CLOCK: variants seen among roughly 807,000 people sequenced by gnomAD.
The protein encoded by CLOCK is circadian locomoter output cycles protein kaput.
CLOCK carries 43 observed loss-of-function variants against 118.4 expected under a neutral mutation model. The observed-to-expected ratio is 0.36, with a 90% CI of 0.28 to 0.47. The LOEUF is 0.47. Ranked by LOEUF, CLOCK falls within the 20% of genes least tolerant of loss-of-function variation. CLOCK has a pLI of 1.00. For missense variants in CLOCK, 846 were observed against 999.9 expected, an observed-to-expected ratio of 0.85 and a Z score of 2.08; for synonymous variants, 326 against 339.2, an observed-to-expected ratio of 0.96 and a Z score of 0.43.
chr4:55,482,828 C>A lies in CLOCK; in HGVS notation c.-43G>T, dbSNP rs1186078321. On this transcript the variant is annotated splice_region_variant and 5_prime_UTR_variant, in exon 4 of 23. Transcript: ENST00000513440. Reference sequence around the variant, plus strand: ...TCTTGTAGTAGACATTTGTACTTCTCCTTAGGTGAAAAGAAAAATAAATGG... The same window carrying A: ...TCTTGTAGTAGACATTTGTACTTCTACTTAGGTGAAAAGAAAAATAAATGG... 1 of 1,435,828 alleles carries A rather than the reference C, an allele frequency of 7.0e-7. No individual in the cohort carries two copies. Among genetic ancestry groups the A allele is most frequent in the East Asian group, 2.3e-5 (1 of 43,528 alleles). 88.9% of individuals were successfully genotyped at this position (1,435,828 alleles called of 1,614,324 possible).
chr4:55,520,006 C>A (rs552695137), intron 1 of CLOCK, among the ~76,000 whole-genome samples: 1 of 152,208 alleles, frequency 6.6e-6, no homozygotes, highest in South Asian at 2.1e-4. Flanking sequence ...CTTAGACACA[C>A]AACACCTGCA....
chr4:55,510,739 T>G (rs1211137148), intron 1 of CLOCK, among the ~76,000 whole-genome samples: 1 of 151,956 alleles, frequency 6.6e-6, no homozygotes, highest in Non-Finnish European at 1.5e-5. Flanking sequence ...GAAAGAAAAT[T>G]TTTTGTCCAA....
chr4:55,529,594 T>A (rs1730410669), intron 1 of CLOCK, among the ~76,000 whole-genome samples: 1 of 152,294 alleles, frequency 6.6e-6, no homozygotes, highest in East Asian at 1.9e-4. Flanking sequence ...TAAACAAAAA[T>A]AGGTATATTT....
chr4:55,512,370 T>C (rs1729214601), intron 1 of CLOCK, among the ~76,000 whole-genome samples: 1 of 137,304 alleles, frequency 7.3e-6, no homozygotes, highest in Non-Finnish European at 1.6e-5. Flanking sequence ...TTGAGGTTTG[T>C]ATATCTTCTT....
chr4:55,539,444 T>A (rs1046851667), intron 1 of CLOCK, among the ~76,000 whole-genome samples: 2 of 151,730 alleles, frequency 1.3e-5, no homozygotes, highest in Non-Finnish European at 2.9e-5. Flanking sequence ...CATGGTGGCA[T>A]GTGCCTGTGG....
chr4:55,447,372 ATT>A, intron 18 of CLOCK, among the ~76,000 whole-genome samples: 1 of 152,150 alleles, frequency 6.6e-6, no homozygotes, highest in African/African-American at 2.4e-5. Context: ...TCAAAAAAAA[ATT>A]AAAAAGTTAC....
rs776544790 is a variant in CLOCK, at chr4:55,448,801, G to C, written c.1517C>G (p.Pro506Arg). The part of the protein sequence containing the change: ...QPVMSQATNL[P>R]IPQGMSQFQF... ...TACCTGGGACATGCCTTGTGGAATT[G>C]GTAAATTTGTAGCTTGAGACATCAC... The change falls in exon 18 of 23, where the codon CCA (proline) becomes CGA (arginine). Residue 506 changes from proline to arginine, a missense_variant. Around this residue, in one of 4 missense-constraint regions of CLOCK, gnomAD observed 520 missense variants for 558.0 expected, o/e 0.93. Transcript: ENST00000513440. 4.3e-6 allele frequency: 7 copies of C among 1,613,748 alleles called. No individual in the cohort carries two copies. Among genetic ancestry groups the C allele is most frequent in the Middle Eastern group, 3.3e-4 (2 of 6,058 alleles).
chr4:55,448,715 T>A, intron 18 of CLOCK, 64 bp downstream of exon 18: 1 of 1,347,168 alleles, frequency 7.4e-7, no homozygotes, highest in Non-Finnish European at 1.0e-6. Flanking sequence ...TTAAAAAAAT[T>A]ACATTAGCTT....
In CLOCK at chr4:55,530,774, C is replaced by CAAAAAAA. The variant is rs60810379; in HGVS notation, c.-290+16001_-290+16007dup. On this transcript the variant is annotated intron_variant, in intron 1 of 22. Transcript: ENST00000513440. ...TGGGAAAAAGAGCAAGACTCCATCG[C>CAAAAAAA]AAAAAAAAAAAAAAAAAGAGTAAAT... 6.4e-4 allele frequency among the ~76,000 whole-genome samples: 21 copies of CAAAAAAA among 33,044 alleles called. 2 individuals are homozygous for CAAAAAAA. Among genetic ancestry groups the CAAAAAAA allele is most frequent in the African/African-American group, 2.5e-3 (18 of 7,200 alleles). 21.7% of individuals were successfully genotyped at this position (33,044 alleles called of 152,430 possible).
chr4:55,532,350 A>C (rs1260542769), intron 1 of CLOCK, among the ~76,000 whole-genome samples: 2 of 152,130 alleles, frequency 1.3e-5, no homozygotes, highest in Admixed American at 6.5e-5. Flanking sequence ...AATAGAAGGC[A>C]CTCAAATAAG....
chr4:55,539,550 G>A (rs1201063159), intron 1 of CLOCK, among the ~76,000 whole-genome samples: 8 of 124,016 alleles, frequency 6.5e-5, no homozygotes, highest in Admixed American at 5.2e-4. Context: ...TCCAGCCTGG[G>A]TGCCAGAGTG....
At chr4:55,505,926 C>T (rs1194534893) in intron 2 of CLOCK, among the ~76,000 whole-genome samples, 1 of 151,682 alleles carries the variant, frequency 6.6e-6, no homozygotes, top group Non-Finnish European at 1.5e-5. Context: ...GTAAAATGCA[C>T]ATATCATACC....
At chr4:55,507,946 G>T (rs1322115988) in intron 2 of CLOCK, among the ~76,000 whole-genome samples, 12 of 152,056 alleles carry the variant, frequency 7.9e-5, no homozygotes, top group African/African-American at 2.9e-4. Flanking sequence ...GACAGTAAAG[G>T]TATTAGTTTT....
intron 13 of CLOCK, among the ~76,000 whole-genome samples, chr4:55,455,015 T>C (rs564226443): frequency 1.3e-5 from 2 of 152,246 alleles, no homozygotes; most frequent in South Asian, 2.1e-4. Flanking sequence ...TGAAATGACT[T>C]TACTCTGAAA....
At chr4:55,508,011 A>G (rs187382965) in intron 2 of CLOCK, among the ~76,000 whole-genome samples, 1 of 152,306 alleles carries the variant, frequency 6.6e-6, no homozygotes, top group East Asian at 1.9e-4. Flanking sequence ...GCCCCGAGTC[A>G]CATAACTAAG....
At chr4:55,473,061 T>C (rs1263897144) in intron 7 of CLOCK, among the ~76,000 whole-genome samples, 1 of 151,996 alleles carries the variant, frequency 6.6e-6, no homozygotes, top group Non-Finnish European at 1.5e-5. Flanking sequence ...TCGTCTCTAC[T>C]AAAAATAAAA....
At chr4:55,520,340 T>C (rs919255342) in intron 1 of CLOCK, among the ~76,000 whole-genome samples, 4 of 152,172 alleles carry the variant, frequency 2.6e-5, no homozygotes, top group Non-Finnish European at 5.9e-5. Context: ...TAATTACAGA[T>C]GAAAGCTTTA....
In CLOCK at chr4:55,479,074, G is replaced by A. The variant is rs529920891; in HGVS notation, c.108-111C>T. 5.5e-5 allele frequency: 48 copies of A among 877,706 alleles called. No homozygotes were observed. In the Admixed American group the frequency reaches 8.8e-4, roughly 16 times the overall value. 54.4% of individuals were successfully genotyped at this position (877,706 alleles called of 1,614,324 possible). ...AGCATGTACTTCTATCAACATAGAT[G>A]GTAACAAATATCTTCCAGGTTACCA... On this transcript the variant is annotated intron_variant, in intron 5 of 22. Coordinates refer to ENST00000513440, the MANE Select transcript of CLOCK (RefSeq NM_004898.4).
Position 55,435,287 on chromosome 4 carries a change from G to T in CLOCK, c.*128C>A. 2 of 1,103,520 alleles carry T rather than the reference G, an allele frequency of 1.8e-6. No individual in the cohort carries two copies. Among genetic ancestry groups the T allele is most frequent in the East Asian group, 2.4e-5 (1 of 41,362 alleles). 68.4% of individuals were successfully genotyped at this position (1,103,520 alleles called of 1,614,324 possible). On this transcript the variant is annotated 3_prime_UTR_variant, in exon 23 of 23. Transcript: ENST00000513440. The stretch of plus-strand genomic sequence containing the variant: ...CATTTTCTCTGCCAACTAATTCCAG[G>T]AACTAGAACACTCAATACTGCATCT...
Sources: allele counts gnomAD v4.1 joint callset (sites outside exome capture counted in the v4.1 genomes callset), GRCh38; gene constraint gnomAD v4.1.1; regional missense constraint gnomAD v4.1.1; transcripts MANE v1.5; gene names NCBI Gene and HGNC (gene_info 2026-07-23, HGNC 2026-07-21).